Variants in CNST observed in about 807,000 individuals in gnomAD.
CNST encodes the protein consortin.
In CNST, 39 loss-of-function variants were observed where a neutral mutation model predicts 72.4. That is an observed-to-expected ratio of 0.54 (90% confidence interval 0.42 to 0.70). The LOEUF is 0.70. CNST is among the 30% of genes least tolerant of loss of function. CNST has a pLI of 0.00. For synonymous variants in CNST, 332 were observed against 320.1 expected, an observed-to-expected ratio of 1.04 and a Z score of -0.40; for missense variants, 871 against 868.5, an observed-to-expected ratio of 1.00 and a Z score of -0.04.
At chr1:246,664,791 G>C (rs546409367) in intron 10 of CNST, among the ~76,000 whole-genome samples, 1 of 152,092 alleles carries the variant, frequency 6.6e-6, no homozygotes, top group African/African-American at 2.4e-5. Flanking sequence ...AATTTTAATA[G>C]ATACTGCCAA....
At chr1:246,586,914 G>T (rs1308890905) in intron 1 of CNST, among the ~76,000 whole-genome samples, 2 of 152,150 alleles carry the variant, frequency 1.3e-5, no homozygotes, top group African/African-American at 2.4e-5. Context: ...ATTTAAAAAT[G>T]ATTATAGTGG....
At chr1:246,634,420 G>C in intron 5 of CNST, 53 bp from the exon 6 acceptor site, 1 of 1,007,278 alleles carries the variant, frequency 9.9e-7, no homozygotes, top group Admixed American at 2.6e-5. Flanking sequence ...TTGTTTTTTT[G>C]CTCCTAAATA....
intron 6 of CNST, among the ~76,000 whole-genome samples, chr1:246,639,226 G>A (rs562600422): frequency 1.3e-5 from 2 of 152,238 alleles, no homozygotes; most frequent in African/African-American, 4.8e-5. Context: ...GTCTGGGAGA[G>A]TGAGAACGGG....
At chr1:246,569,063 T>A (rs528760505) in intron 1 of CNST, among the ~76,000 whole-genome samples, 13 of 152,240 alleles carry the variant, frequency 8.5e-5, no homozygotes, top group African/African-American at 3.1e-4. Flanking sequence ...CAACTGTAAT[T>A]GGGAAATGCC....
chr1:246,609,564 C>G (rs1016627909), intron 2 of CNST, among the ~76,000 whole-genome samples: 1 of 152,076 alleles, frequency 6.6e-6, no homozygotes, highest in Non-Finnish European at 1.5e-5. Flanking sequence ...GCAACAAGAA[C>G]GGAACTCTGT....
At position 246,647,217 on chromosome 1, in the gene CNST, G is replaced by C. The variant is rs1373553563; in HGVS notation, c.1016G>C (p.Cys339Ser). The C allele has an allele frequency of 9.9e-6, 16 of 1,614,202 alleles. No homozygotes were observed. The highest frequency in any genetic ancestry group is 1.3e-5 in the African/African-American group (1 of 75,060). Residue 339 changes from cysteine (C) to serine (S), a missense_variant, in exon 9 of 11, where the codon TGT (cysteine) becomes TCT (serine). By Grantham distance (112) the Cys-to-Ser change is moderately radical. Transcript: ENST00000366513. ...TVEPLGSSPC[C>S]HQMDVQTDSP... The stretch of plus-strand genomic sequence containing the variant: ...GAGCCCCTGGGGAGCAGTCCCTGCT[G>C]TCATCAGATGGACGTGCAAACAGAT...
chr1:246,661,614 G>A (rs1267101611), intron 10 of CNST, among the ~76,000 whole-genome samples: 2 of 152,156 alleles, frequency 1.3e-5, no homozygotes, highest in Non-Finnish European at 2.9e-5. Context: ...AACATGAGGT[G>A]GTGAGTTTTG....
chr1:246,637,692 A>G, intron 6 of CNST, among the ~76,000 whole-genome samples: 1 of 152,164 alleles, frequency 6.6e-6, no homozygotes, highest in East Asian at 1.9e-4. Flanking sequence ...AGGTGCATGG[A>G]GAACCCATTT....
chr1:246,663,354 A>AC (rs2103174314), intron 10 of CNST, among the ~76,000 whole-genome samples: 1 of 150,958 alleles, frequency 6.6e-6, no homozygotes, highest in South Asian at 2.1e-4. Flanking sequence ...AAAAAAAAAG[A>AC]AAGACAAGAC....
At chr1:246,619,674 C>T (rs1385565687) in intron 2 of CNST, among the ~76,000 whole-genome samples, 1 of 152,246 alleles carries the variant, frequency 6.6e-6, no homozygotes, top group South Asian at 2.1e-4. Context: ...GGAAAATATT[C>T]TAGCCGTTAG....
chr1:246,583,855 A>G (rs1281276435), intron 1 of CNST, among the ~76,000 whole-genome samples: 4 of 152,268 alleles, frequency 2.6e-5, no homozygotes, highest in Admixed American at 2.6e-4. Context: ...TTCAAAGGGC[A>G]ACATTATATC....
Position 246,574,119 on chromosome 1 carries a change from A to T in CNST, c.-52+7456A>T, listed in dbSNP as rs113945408. 3.3e-3 allele frequency among the ~76,000 whole-genome samples: 509 copies of T among 152,244 alleles called. 3 individuals are homozygous for T. Among genetic ancestry groups the T allele is most frequent in the African/African-American group, 0.011 (456 of 41,550 alleles). ...CAGTGGCGTGATCTCAGCTCACTGC[A>T]AGCTCCACTACTCCTGGGTTCACGC... On this transcript the variant is annotated intron_variant, in intron 1 of 10. Coordinates refer to ENST00000366513, the MANE Select transcript of CNST (RefSeq NM_152609.3).
chr1:246,600,046 G>A (rs1026832787), intron 2 of CNST, among the ~76,000 whole-genome samples: 6 of 152,196 alleles, frequency 3.9e-5, no homozygotes, highest in African/African-American at 1.4e-4. Flanking sequence ...TTGTCAGGAG[G>A]AGTTGGTATC....
intron 9 of CNST, among the ~76,000 whole-genome samples, chr1:246,649,179 T>C (rs12024519): frequency 6.7e-6 from 1 of 148,812 alleles, no homozygotes; most frequent in Non-Finnish European, 1.5e-5. Flanking sequence ...TTTTTTTTCG[T>C]AGTTTTTGCT....
intron 2 of CNST, among the ~76,000 whole-genome samples, chr1:246,609,986 T>G (rs1663195330): frequency 6.6e-6 from 1 of 152,130 alleles, no homozygotes; most frequent in Non-Finnish European, 1.5e-5. Flanking sequence ...TCTGTGCCAT[T>G]AAACAATAAC....
At chr1:246,571,590 G>A (rs970471507) in intron 1 of CNST, among the ~76,000 whole-genome samples, 1 of 152,218 alleles carries the variant, frequency 6.6e-6, no homozygotes, top group Admixed American at 6.5e-5. Flanking sequence ...AGGAAAGACA[G>A]TGTGTGCCTA....
intron 6 of CNST, among the ~76,000 whole-genome samples, chr1:246,635,283 G>A (rs3129542): frequency 0.44 from 66,166 of 151,224 alleles, 16,150 homozygotes; most frequent in Non-Finnish European, 0.54. Flanking sequence ...CAGGAGCATC[G>A]TCTGGATTGT....
chr1:246,609,106 G>T (rs1452474408), intron 2 of CNST, among the ~76,000 whole-genome samples: 2 of 152,192 alleles, frequency 1.3e-5, no homozygotes, highest in Non-Finnish European at 2.9e-5. Flanking sequence ...TCAGCACGTG[G>T]TAATTATGTC....
intron 3 of CNST, among the ~76,000 whole-genome samples, chr1:246,631,012 C>T (rs1351755618): frequency 6.6e-6 from 1 of 152,154 alleles, no homozygotes; most frequent in African/African-American, 2.4e-5. Context: ...TCCCAAAGCG[C>T]TGGGATTACA....
Sources: allele counts gnomAD v4.1 joint callset (sites outside exome capture counted in the v4.1 genomes callset), GRCh38; gene constraint gnomAD v4.1.1; transcripts MANE v1.5; gene names NCBI Gene and HGNC (gene_info 2026-07-23, HGNC 2026-07-21).